COPZ2: variants seen among roughly 807,000 people sequenced by gnomAD.
COPZ2 encodes coatomer subunit zeta-2.
COPZ2 carries 30 observed loss-of-function variants against 33.2 expected under a neutral mutation model. The observed-to-expected ratio is 0.90, with a 90% CI of 0.68 to 1.23. The LOEUF (loss-of-function observed/expected upper bound fraction) is 1.23. COPZ2 is among the 50% of genes most tolerant of loss of function. The pLI, the probability that COPZ2 is intolerant of heterozygous loss-of-function variation, is 0.00. For missense variants in COPZ2, 263 were observed against 262.4 expected (o/e 1.00, Z -0.02); for synonymous variants, 89 against 102.6 (o/e 0.87, Z 0.80).
At chr17:48,046,895 G>T in the COPZ2 span, 1 of 152,144 alleles carries the variant, frequency 6.6e-6, no homozygotes, top group South Asian at 2.1e-4. Context: ...TTATACTCAG[G>T]TATTTATTGG....
upstream of COPZ2, chr17:48,038,032 C>G (rs1049990490): frequency 8.3e-6 from 2 of 240,932 alleles, no homozygotes; most frequent in Non-Finnish European, 1.3e-5. Context: ...CAGGGTGCCC[C>G]AAGACCAGCC....
chr17:48,044,948 CAT>C, the COPZ2 span, among the ~76,000 whole-genome samples: 1 of 151,898 alleles, frequency 6.6e-6, no homozygotes, highest in African/African-American at 2.4e-5. Flanking sequence ...AACTTAAAGA[CAT>C]GTTTTTCTTT....
At chr17:48,044,207 C>T in the COPZ2 span, among the ~76,000 whole-genome samples, 37 of 152,010 alleles carry the variant, frequency 2.4e-4, no homozygotes, top group African/African-American at 7.7e-4. Flanking sequence ...ATTAGCCAAG[C>T]GTGGTGGTGT....
At chr17:48,029,366 T>C (rs2036859859) in intron 6 of COPZ2, 190 bp from the exon 7 acceptor site, 1 of 652,132 alleles carries the variant, frequency 1.5e-6, no homozygotes. Context: ...TCTGATTCTT[T>C]GATGCTTCAA....
intron 8 of COPZ2, 124 bp from the exon 9 acceptor site, chr17:48,026,599 A>G (rs1383971448): frequency 2.9e-6 from 2 of 683,406 alleles, no homozygotes; most frequent in African/African-American, 3.5e-5. Context: ...ACTAGGTGGC[A>G]GCAGCTTGTC....
In COPZ2 at chr17:48,032,051, G is replaced by A. The variant is rs2036901147; in HGVS notation, c.494+105C>T. The A allele has an allele frequency of 7.1e-6, 6 of 840,294 alleles. No individual in the cohort carries two copies. In the South Asian group the frequency reaches 8.8e-5, roughly 12 times the overall value. The allele number at this position is 840,294 out of a possible 1,614,324, so 52.1% of individuals were successfully genotyped here. A position where few individuals can be genotyped will look rare whatever the true frequency, so the allele number is the denominator to read the frequency against. On this transcript the variant is annotated intron_variant, in intron 6 of 8. Transcript: ENST00000621465. ...ATCCCTGGGAATATGCTGGGGGAAG[G>A]GAGTGAGAAGTTGGTCAGAGTTCTA...
chr17:48,033,920 T>C lies in COPZ2; in HGVS notation c.211A>G (p.Met71Val). The C allele has an allele frequency of 1.2e-6, 2 of 1,610,868 alleles. No individual in the cohort carries two copies. Among genetic ancestry groups the C allele is most frequent in the Non-Finnish European group, 1.7e-6 (2 of 1,178,250 alleles). ...AKYYDDTFPS[M>V]KEQMVFEKNV... ...TTCTCGAAAACCATCTGCTCCTTCA[T>C]GGAGGGGAATGTGTCATCATAATAC... The change falls in exon 3 of 9, where the codon ATG becomes GTG. Residue 71 changes from methionine (M) to valine (V), a missense_variant. Transcript: ENST00000621465.
At chr17:48,035,138 T>G (rs2036960535) in intron 2 of COPZ2, among the ~76,000 whole-genome samples, 2 of 152,164 alleles carry the variant, frequency 1.3e-5, no homozygotes, top group South Asian at 4.1e-4. Context: ...CATAACTAAA[T>G]TAATGTTTTT....
chr17:48,042,413 C>T (rs8067005), upstream of COPZ2, among the ~76,000 whole-genome samples: 23,114 of 151,892 alleles, frequency 0.15, 2,218 homozygotes, highest in Non-Finnish European at 0.21. Flanking sequence ...GGATTACAGG[C>T]GTGAACCACC....
Position 48,026,329 on chromosome 17 carries a change from T to C in COPZ2, c.*99A>G. The C allele has an allele frequency of 3.2e-6, 3 of 941,434 alleles. No homozygotes were observed. The highest frequency in any genetic ancestry group is 5.0e-6 in the Non-Finnish European group (3 of 594,312). 58.3% of individuals were successfully genotyped at this position (941,434 alleles called of 1,614,324 possible). On this transcript the variant is annotated 3_prime_UTR_variant, in exon 9 of 9. Transcript: ENST00000621465. The stretch of plus-strand genomic sequence containing the variant: ...TTAGGAGTCAGTTCTGGGAGGGACC[T>C]GGGGATACAGAGGGGTCTCTCCTGA...
intron 4 of COPZ2, chr17:48,033,008 C>T: frequency 1.7e-6 from 1 of 597,214 alleles, no homozygotes; most frequent in Non-Finnish European, 3.0e-6. Flanking sequence ...TTACTTCATT[C>T]CTGGTTCCCA....
rs940075758 is a variant in COPZ2, at chr17:48,029,630, CT to C, written c.495-455del. Among the ~76,000 whole-genome samples, 44 of 150,642 alleles carry C rather than the reference CT, an allele frequency of 2.9e-4. 2 individuals carry two copies. The highest frequency in any genetic ancestry group is 2.8e-3 in the Admixed American group (43 of 15,104). ...CATGCCCTGCATAAAAGAAATGAAACTCCAAAAATCAGCATCTACCTTCTCC... is the reference window on the plus strand; with the variant it reads ...CATGCCCTGCATAAAAGAAATGAAACCCAAAAATCAGCATCTACCTTCTCC... On this transcript the variant is annotated intron_variant, in intron 6 of 8. Coordinates refer to ENST00000621465, the MANE Select transcript of COPZ2 (RefSeq NM_016429.4).
chr17:48,037,537 GC>G lies in COPZ2; in HGVS notation c.111+129del. The G allele has an allele frequency of 1.2e-6, 1 of 862,934 alleles. No individual in the cohort carries two copies. The highest frequency in any genetic ancestry group is 1.4e-6 in the Non-Finnish European group (1 of 695,806). The allele number at this position is 862,934 out of a possible 1,614,324, so 53.5% of individuals were successfully genotyped here. On this transcript the variant is annotated intron_variant, in intron 1 of 8. Transcript: ENST00000621465. This position sits in a 1 kb window ranked among gnomAD's most constrained non-coding sequence, Gnocchi z 5.6. ...CGAACTTTTCCTCCCGGGTCCTGGGGCCAGTCAGGGGTGACACAAAGTTCCC... is the reference window on the plus strand; with the variant it reads ...CGAACTTTTCCTCCCGGGTCCTGGGGCAGTCAGGGGTGACACAAAGTTCCC...
At chr17:48,040,595 G>T (rs1441409595), upstream of COPZ2, among the ~76,000 whole-genome samples, 1 of 151,588 alleles carries the variant, frequency 6.6e-6, no homozygotes, top group Non-Finnish European at 1.5e-5. Context: ...ACCACGCCCA[G>T]CTAATTTTTG....
chr17:48,035,297 A>C (rs537463195), intron 2 of COPZ2, among the ~76,000 whole-genome samples: 2 of 152,342 alleles, frequency 1.3e-5, no homozygotes, highest in East Asian at 3.9e-4. Context: ...GGATTTTGCC[A>C]CTTAATACTC....
chr17:48,039,965 C>G (rs2037045181), upstream of COPZ2, among the ~76,000 whole-genome samples: 1 of 151,914 alleles, frequency 6.6e-6, no homozygotes. Context: ...ACTAAAAATA[C>G]AAAAAAATTA....
At chr17:48,034,002 AGATT>A in intron 2 of COPZ2, 58 bp from the exon 3 acceptor site, 2 of 1,270,154 alleles carry the variant, frequency 1.6e-6, no homozygotes, top group Non-Finnish European at 2.3e-6. Flanking sequence ...GATCCTCCCT[AGATT>A]GGGGGGCAGG....
rs1294713286 is a variant in COPZ2, at chr17:48,029,196, A to T, written c.495-20T>A. ...ATCACACTACAAGATGAGAGGAAAA[A>T]CCAGGAGGCAAATCAGTGGCACAAT... On this transcript the variant is annotated intron_variant, in intron 6 of 8. Transcript: ENST00000621465. 3.2e-6 allele frequency: 5 copies of T among 1,562,962 alleles called. 1 individual carries two copies. Among genetic ancestry groups the T allele is most frequent in the African/African-American group, 1.4e-5 (1 of 73,468 alleles).
intron 8 of COPZ2, 25 bp from the exon 9 acceptor site, chr17:48,026,500 G>A (rs746903986): frequency 3.9e-6 from 6 of 1,557,390 alleles, no homozygotes; most frequent in Non-Finnish European, 2.7e-6. Context: ...GGGAGGTTGA[G>A]AGAGAATTGA....
Sources: allele counts gnomAD v4.1 joint callset (sites outside exome capture counted in the v4.1 genomes callset), GRCh38; gene constraint gnomAD v4.1.1; non-coding constraint Gnocchi (gnomAD v3.1); transcripts MANE v1.5; gene names NCBI Gene and HGNC (gene_info 2026-07-23, HGNC 2026-07-21).